The following WDR43 variants were observed in gnomAD, a reference collection of about 807,000 sequenced individuals.
WDR43 encodes WD repeat domain 43, also known as WD repeat-containing protein 43.
Under a neutral mutation model 91.4 loss-of-function variants are expected in WDR43, and 13 were observed. The observed-to-expected ratio is 0.14, with a 90% CI of 0.09 to 0.23. The LOEUF (loss-of-function observed/expected upper bound fraction) is 0.23. WDR43 is among the 10% of genes least tolerant of loss of function. The pLI is 1.00. For missense variants in WDR43, 780 were observed against 809.4 expected, an observed-to-expected ratio of 0.96 and a Z score of 0.44; for synonymous variants, 331 against 287.9, an observed-to-expected ratio of 1.15 and a Z score of -1.51.
chr2:28,929,556 T>C, intron 10 of WDR43, 23 bp from the exon 11 acceptor site: 1 of 1,564,730 alleles, frequency 6.4e-7, no homozygotes, highest in East Asian at 2.3e-5. Flanking sequence ...GGTAACACAT[T>C]AACAATCCTT....
intron 14 of WDR43, among the ~76,000 whole-genome samples, chr2:28,938,838 A>G (rs753311326): frequency 2.0e-5 from 3 of 152,182 alleles, no homozygotes; most frequent in Non-Finnish European, 4.4e-5. Flanking sequence ...AATGGGGTTG[A>G]GAGAAACAAC....
At chr2:28,918,267 A>G (rs1392490188) in intron 6 of WDR43, among the ~76,000 whole-genome samples, 1 of 152,168 alleles carries the variant, frequency 6.6e-6, no homozygotes, top group Non-Finnish European at 1.5e-5. Flanking sequence ...TACTAGGAGT[A>G]TGTATATATG....
chr2:28,929,806 C>T, intron 11 of WDR43, 96 bp downstream of exon 11: 2 of 1,288,618 alleles, frequency 1.6e-6, no homozygotes, highest in East Asian at 4.9e-5. Context: ...CATCATGTTA[C>T]AGAGCCATTT....
intron 1 of WDR43, among the ~76,000 whole-genome samples, chr2:28,897,711 A>T (rs1183069050): frequency 6.6e-6 from 1 of 152,234 alleles, no homozygotes; most frequent in Non-Finnish European, 1.5e-5. Flanking sequence ...TAACTCATCA[A>T]TGGAGAAAGA....
intron 10 of WDR43, 57 bp from the exon 11 acceptor site, chr2:28,929,522 T>C: frequency 7.1e-7 from 1 of 1,413,534 alleles, no homozygotes; most frequent in Non-Finnish European, 9.3e-7. Context: ...TTTTTTTGTC[T>C]CCAAACTACT....
rs779978704 is a variant in WDR43 at position 28,894,764 on chromosome 2, C to A, written c.66C>A (p.Ser22=). 2 of 1,603,526 alleles carry A rather than the reference C, an allele frequency of 1.2e-6. No individual in the cohort carries two copies. The highest frequency in any genetic ancestry group is 1.1e-5 in the South Asian group (1 of 89,504). Residue 22 remains serine, a synonymous_variant, in exon 1 of 18, where the codon TCC becomes TCA. Coordinates refer to ENST00000407426, the MANE Select transcript of WDR43 (RefSeq NM_015131.3). ...CTGCTGGGGTCCCTTGCGCCTTCTC[C>A]CCGCACAGCCAGGCCTACTTCGCTT... ...LAPAGVPCAF[S]PHSQAYFALA...
chr2:28,928,291 A>G (rs779860808), intron 10 of WDR43, among the ~76,000 whole-genome samples: 1 of 151,850 alleles, frequency 6.6e-6, no homozygotes, highest in Non-Finnish European at 1.5e-5. Flanking sequence ...AGCTGATTTT[A>G]CTTTAATTTG....
chr2:28,941,476 C>A lies in WDR43; in HGVS notation c.1636C>A (p.Pro546Thr), dbSNP rs760506927. Residue 546 changes from proline (P) to threonine (T), a missense_variant, in exon 15 of 18, where the codon CCC becomes ACC. Around this residue, in one of 4 missense-constraint regions of WDR43, gnomAD observed 426 missense variants for 467.8 expected, o/e 0.91. Coordinates refer to ENST00000407426, the MANE Select transcript of WDR43 (RefSeq NM_015131.3). The stretch of plus-strand genomic sequence containing the variant: ...TTTTCTCTAGTTGCCTGACCTGGTA[C>A]CCCAGCTGGGGACACTCTACCAGTT... ...SYLSTLPDLV[P>T]QLGTLYQLME... 74 of 1,612,876 alleles carry A rather than the reference C, an allele frequency of 4.6e-5. No homozygotes were observed. Among genetic ancestry groups the A allele is most frequent in the Non-Finnish European group, 5.7e-5 (67 of 1,179,460 alleles).
intron 5 of WDR43, 143 bp from the exon 6 acceptor site, chr2:28,917,750 T>C: frequency 1.4e-6 from 1 of 698,102 alleles, no homozygotes; most frequent in African/African-American, 1.8e-5. Context: ...TGTTTTGATC[T>C]TTAGTCACTT....
intron 2 of WDR43, among the ~76,000 whole-genome samples, chr2:28,905,431 C>A (rs1670661151): frequency 6.6e-6 from 1 of 152,110 alleles, no homozygotes; most frequent in Admixed American, 6.6e-5. Context: ...TATGCTATGG[C>A]CCCATAGTAC....
In WDR43 at chr2:28,925,249, ATAAT is replaced by A. The variant is rs1184546911; in HGVS notation, c.1086+97_1086+100del. On this transcript the variant is annotated intron_variant, in intron 8 of 17. Coordinates refer to ENST00000407426, the MANE Select transcript of WDR43 (RefSeq NM_015131.3). ...ATAACAACATTGGTCTTTAAGATAA[ATAAT>A]ATATTCTTTTTTAATTAAAGGATTT... 1.3e-5 allele frequency: 15 copies of A among 1,185,004 alleles called. No homozygotes were observed. In the East Asian group the frequency reaches 3.6e-4, roughly 29 times the overall value. The allele number at this position is 1,185,004 out of a possible 1,614,324, so 73.4% of individuals were successfully genotyped here. A position where few individuals can be genotyped will look rare whatever the true frequency, so the allele number is the denominator to read the frequency against.
intron 10 of WDR43, 69 bp from the exon 11 acceptor site, chr2:28,929,510 A>ATTTT: frequency 3.1e-5 from 38 of 1,233,082 alleles, no homozygotes; most frequent in Admixed American, 1.5e-4. Flanking sequence ...ATTTTATTTT[A>ATTTT]TTTTTTTTGT....
rs762432635 is a variant in WDR43, at chr2:28,942,305, C to T, written c.1735-7C>T. 2.5e-6 allele frequency: 4 copies of T among 1,611,064 alleles called. No homozygotes were observed. The highest frequency in any genetic ancestry group is 3.4e-6 in the Non-Finnish European group (4 of 1,177,836). On this transcript the variant is annotated splice_polypyrimidine_tract_variant and splice_region_variant and intron_variant, in intron 15 of 17. Transcript: ENST00000407426. ...CTACTTCAGAACAGTACTTTATCTT[C>T]TTCCAGGTAACAGCATCAGAGAAGA...
At chr2:28,920,224 C>CTTTTTTT (rs751048652) in intron 6 of WDR43, among the ~76,000 whole-genome samples, 33 of 108,058 alleles carry the variant, frequency 3.1e-4, no homozygotes, top group South Asian at 6.1e-4. Flanking sequence ...TTTTTTCTTT[C>CTTTTTTT]TTTTTTTTTT....
chr2:28,895,068 G>A, intron 1 of WDR43, 145 bp downstream of exon 1: 1 of 782,764 alleles, frequency 1.3e-6, no homozygotes, highest in Non-Finnish European at 1.7e-6. Context: ...CGCGTTCAGG[G>A]CCCAAGCCGC....
chr2:28,938,685 A>G (rs1005065218), intron 14 of WDR43, among the ~76,000 whole-genome samples: 4 of 151,324 alleles, frequency 2.6e-5, no homozygotes, highest in African/African-American at 4.9e-5. Flanking sequence ...GTCTCACCCA[A>G]CTCCTGCCTT....
At chr2:28,926,652 C>T in intron 9 of WDR43, 98 bp downstream of exon 9, 1 of 973,834 alleles carries the variant, frequency 1.0e-6, no homozygotes, top group Non-Finnish European at 1.5e-6. Context: ...GTTTTTTATT[C>T]TTTAATATCT....
intron 6 of WDR43, among the ~76,000 whole-genome samples, chr2:28,920,106 A>G (rs560216695): frequency 6.6e-6 from 1 of 152,134 alleles, no homozygotes; most frequent in South Asian, 2.1e-4. Context: ...TCGGCCTCCC[A>G]AAGTGCTGTA....
At chr2:28,924,917 T>G in intron 7 of WDR43, 65 bp from the exon 8 acceptor site, 1 of 1,554,716 alleles carries the variant, frequency 6.4e-7, no homozygotes, top group Non-Finnish European at 8.7e-7. Context: ...TTGATGTCAG[T>G]TCCAGAGAGT....
Sources: allele counts gnomAD v4.1 joint callset (sites outside exome capture counted in the v4.1 genomes callset), GRCh38; gene constraint gnomAD v4.1.1; regional missense constraint gnomAD v4.1.1; transcripts MANE v1.5; gene names NCBI Gene and HGNC (gene_info 2026-07-23, HGNC 2026-07-21).